CTNNA2: variants seen among roughly 807,000 people sequenced by gnomAD.
CTNNA2 encodes catenin alpha 2.
A neutral mutation model predicts 101.0 loss-of-function variants in CTNNA2; 42 were observed. That is an observed-to-expected ratio of 0.42 (90% CI 0.32 to 0.54). The LOEUF is 0.54. CTNNA2 is among the 20% of genes least tolerant of loss of function. The probability of loss-of-function intolerance (pLI) is 0.14; values close to 1 mark genes in which losing one functional copy is unlikely to be tolerated. For missense variants in CTNNA2, 871 were observed against 1,223.1 expected (o/e 0.71, Z 4.29); for synonymous variants, 450 against 456.4 (o/e 0.99, Z 0.18).
At chr2:80,082,854 G>T (rs1699231272) in intron 7 of CTNNA2, among the ~76,000 whole-genome samples, 1 of 152,064 alleles carries the variant, frequency 6.6e-6, no homozygotes, top group African/African-American at 2.4e-5. Context: ...ATCTTAATTA[G>T]ATCATTTACA....
intron 7 of CTNNA2, among the ~76,000 whole-genome samples, chr2:80,282,333 A>G (rs1674445969): frequency 6.6e-6 from 1 of 152,188 alleles, no homozygotes; most frequent in African/African-American, 2.4e-5. Flanking sequence ...AGAATGAGAA[A>G]AGCGAGTACA....
intron 3 of CTNNA2, among the ~76,000 whole-genome samples, chr2:79,791,750 A>G (rs902747953): frequency 6.6e-6 from 1 of 152,218 alleles, no homozygotes; most frequent in Non-Finnish European, 1.5e-5. Flanking sequence ...GTGCTCTAGC[A>G]GGATCACAAA....
intron 2 of CTNNA2, among the ~76,000 whole-genome samples, chr2:79,732,857 A>G (rs1285303555): frequency 3.9e-5 from 6 of 152,072 alleles, no homozygotes; most frequent in African/African-American, 1.4e-4. Flanking sequence ...CTTCGTCTTT[A>G]ACACCTGGCT....
intron 1 of CTNNA2, among the ~76,000 whole-genome samples, chr2:79,647,767 T>TA (rs1179322082): frequency 6.6e-6 from 1 of 152,194 alleles, no homozygotes; most frequent in Admixed American, 6.5e-5. Context: ...GCATGCAACA[T>TA]ACAACAGCAG....
chr2:79,694,520 A>C (rs991787898), intron 2 of CTNNA2, among the ~76,000 whole-genome samples: 1 of 151,958 alleles, frequency 6.6e-6, no homozygotes, highest in Non-Finnish European at 1.5e-5. Flanking sequence ...TATAAAACTT[A>C]GTATTTAAGT....
chr2:80,348,571 A>T (rs1483410321), intron 7 of CTNNA2, among the ~76,000 whole-genome samples: 2 of 152,140 alleles, frequency 1.3e-5, no homozygotes, highest in Non-Finnish European at 2.9e-5. Context: ...CTGATCCTCC[A>T]TGCTGTTTCT....
intron 2 of CTNNA2, among the ~76,000 whole-genome samples, chr2:79,721,954 A>G (rs1686517547): frequency 6.6e-6 from 1 of 152,342 alleles, no homozygotes; most frequent in African/African-American, 2.4e-5. Flanking sequence ...GCTTGAATTT[A>G]AATAAGAACA....
At chr2:79,806,945 T>C (rs1381718877) in intron 3 of CTNNA2, among the ~76,000 whole-genome samples, 1 of 152,068 alleles carries the variant, frequency 6.6e-6, no homozygotes, top group Non-Finnish European at 1.5e-5. Flanking sequence ...GCATTCTTTA[T>C]CCTAAAACAA....
At chr2:80,212,667 G>A (rs778086029) in intron 7 of CTNNA2, among the ~76,000 whole-genome samples, 1 of 152,180 alleles carries the variant, frequency 6.6e-6, no homozygotes, top group Non-Finnish European at 1.5e-5. Flanking sequence ...AGGGATACTA[G>A]TCTAAAATTC....
intron 7 of CTNNA2, among the ~76,000 whole-genome samples, chr2:80,130,426 T>C (rs1240346803): frequency 6.6e-6 from 1 of 152,160 alleles, no homozygotes; most frequent in Non-Finnish European, 1.5e-5. Flanking sequence ...AGAGATAGAG[T>C]TACAACTATT....
chr2:79,554,775 C>T (rs1276767942), intron 1 of CTNNA2, among the ~76,000 whole-genome samples: 1 of 152,150 alleles, frequency 6.6e-6, no homozygotes, highest in African/African-American at 2.4e-5. Context: ...AGGTTATTGT[C>T]ATTATTTCAT....
intron 7 of CTNNA2, among the ~76,000 whole-genome samples, chr2:80,211,492 G>GT (rs1707886974): frequency 6.6e-6 from 1 of 152,068 alleles, no homozygotes; most frequent in African/African-American, 2.4e-5. Context: ...CCCATTTCTT[G>GT]TTTTTGTCAG....
chr2:80,315,703 A>G (rs978270827), intron 7 of CTNNA2, among the ~76,000 whole-genome samples: 1 of 152,214 alleles, frequency 6.6e-6, no homozygotes, highest in Non-Finnish European at 1.5e-5. Flanking sequence ...GTCTGAATCA[A>G]GGAGTGGAGA....
intron 2 of CTNNA2, among the ~76,000 whole-genome samples, chr2:79,266,721 G>T (rs941247596): frequency 2.0e-5 from 3 of 152,054 alleles, no homozygotes; most frequent in Non-Finnish European, 2.9e-5. Context: ...TGAATTGAGT[G>T]ATAGGGGATA....
At chr2:80,591,457 G>GTTTTTTTGTTTTTTTTTT (rs1696487430) in intron 15 of CTNNA2, among the ~76,000 whole-genome samples, 1 of 70,314 alleles carries the variant, frequency 1.4e-5, no homozygotes, top group Admixed American at 1.8e-4. Context: ...TGCACAGCCT[G>GTTTTTTTGTTTTTTTTTT]TTTTTTTTTT....
At chr2:80,290,386 C>A (rs1675130017) in intron 7 of CTNNA2, among the ~76,000 whole-genome samples, 1 of 152,190 alleles carries the variant, frequency 6.6e-6, no homozygotes, top group Admixed American at 6.5e-5. Flanking sequence ...TTGACCTTCT[C>A]ATTTCTTCCC....
intron 7 of CTNNA2, among the ~76,000 whole-genome samples, chr2:80,007,213 C>T (rs920561478): frequency 2.0e-5 from 3 of 151,874 alleles, no homozygotes; most frequent in Non-Finnish European, 4.4e-5. Context: ...ACAGGATTAC[C>T]GAGAAGATTG....
At chr2:80,368,306 A>G (rs1675120635) in intron 7 of CTNNA2, among the ~76,000 whole-genome samples, 1 of 152,208 alleles carries the variant, frequency 6.6e-6, no homozygotes, top group South Asian at 2.1e-4. Context: ...AAAGTATTTC[A>G]TAGACTGGGA....
At chr2:79,602,935 T>G (rs1378557018) in intron 1 of CTNNA2, among the ~76,000 whole-genome samples, 1 of 152,160 alleles carries the variant, frequency 6.6e-6, no homozygotes, top group Non-Finnish European at 1.5e-5. Context: ...GAACAGATTT[T>G]TCATAGACTG....
Sources: allele counts gnomAD v4.1 joint callset (sites outside exome capture counted in the v4.1 genomes callset), GRCh38; gene constraint gnomAD v4.1.1; transcripts MANE v1.5; gene names NCBI Gene and HGNC (gene_info 2026-07-23, HGNC 2026-07-21).